Variants in RANBP3 observed in about 807,000 individuals in gnomAD.
The protein encoded by RANBP3 is RAN binding protein 3, also known as ran-binding protein 3.
Under a neutral mutation model 77.3 loss-of-function variants are expected in RANBP3, and 14 were observed. The ratio of observed to expected loss-of-function variants is 0.18; its 90% CI spans 0.12 to 0.28. RANBP3 has a LOEUF of 0.28. Ranked by LOEUF, RANBP3 falls within the 10% of genes least tolerant of loss-of-function variation. The pLI, the probability that RANBP3 is intolerant of heterozygous loss-of-function variation, is 1.00. For synonymous variants in RANBP3, 315 were observed against 312.4 expected, an observed-to-expected ratio of 1.01 and a Z score of -0.09; for missense variants, 586 against 752.3, an observed-to-expected ratio of 0.78 and a Z score of 2.59.
chr19:5,931,114 C>G (rs923831098), intron 8 of RANBP3, among the ~76,000 whole-genome samples: 3 of 152,234 alleles, frequency 2.0e-5, no homozygotes, highest in African/African-American at 7.2e-5. Context: ...CCTTGGGTAA[C>G]AGGCCCTTCC....
Position 5,951,400 on chromosome 19 carries a change from A to C in RANBP3, c.275T>G (p.Leu92Arg). Residue 92 changes from leucine (L) to arginine (R), a missense_variant, in exon 3 of 17, where the codon CTG (leucine) becomes CGG (arginine). Physicochemically the swap from Leu to Arg is moderately radical, Grantham distance 102 (BLOSUM62 -2). This residue lies in a region of RANBP3 where 172 missense variants were observed against 183.4 expected (regional missense o/e 0.94). Coordinates refer to ENST00000340578, the MANE Select transcript of RANBP3 (RefSeq NM_007322.3). ...GGGTAGGTGTGGACTTACCCCTGCC[A>C]GTTCTCGCGGAAAAGGAGGAAGCTG... ...EAQLPPFPRE[L>R]AGRSAGGSSP... 1 of 1,556,536 alleles carries C rather than the reference A, an allele frequency of 6.4e-7. No individual in the cohort carries two copies. The highest frequency in any genetic ancestry group is 1.2e-5 in the South Asian group (1 of 84,918).
intron 5 of RANBP3, among the ~76,000 whole-genome samples, chr19:5,940,219 T>A (rs2058117768): frequency 6.6e-6 from 1 of 152,168 alleles, no homozygotes; most frequent in South Asian, 2.1e-4. Context: ...TGGTGGTCCC[T>A]CGCCTCTTTA....
intron 6 of RANBP3, chr19:5,933,172 C>T (rs1183979118): frequency 2.1e-5 from 10 of 481,542 alleles, no homozygotes; most frequent in East Asian, 1.8e-4. Context: ...CGATGCACCC[C>T]GCCTAGCCTG....
intron 6 of RANBP3, 98 bp from the exon 7 acceptor site, chr19:5,932,642 C>A (rs1045507257): frequency 4.4e-6 from 4 of 916,502 alleles, no homozygotes; most frequent in Non-Finnish European, 3.4e-6. Context: ...ATGCCCCTTG[C>A]AGGCTAGACT....
chr19:5,924,006 A>G lies in RANBP3; in HGVS notation c.997-92T>C, dbSNP rs2057866091. 1.0e-6 allele frequency: 1 copy of G among 984,002 alleles called. No individual in the cohort carries two copies. The highest frequency in any genetic ancestry group is 1.6e-6 in the Non-Finnish European group (1 of 642,112). The allele number at this position is 984,002 out of a possible 1,614,324, so 61.0% of individuals were successfully genotyped here. On this transcript the variant is annotated intron_variant, in intron 11 of 16. Transcript: ENST00000340578. The surrounding 1 kb of genome is among the most constrained non-coding windows in gnomAD (Gnocchi z 4.7). ...ACCTCTCTGCCTGGCCCCCAACACT[A>G]CGCTGCCCCCAGCACTCCTGCCCAC...
intron 1 of RANBP3, among the ~76,000 whole-genome samples, chr19:5,968,220 A>T (rs2058491127): frequency 6.6e-6 from 1 of 152,178 alleles, no homozygotes; most frequent in African/African-American, 2.4e-5. Context: ...CAGGAAGGAA[A>T]TCCAAGAACT....
chr19:5,949,564 G>A (rs1483190790), intron 3 of RANBP3, among the ~76,000 whole-genome samples: 2 of 152,196 alleles, frequency 1.3e-5, no homozygotes, highest in Non-Finnish European at 2.9e-5. Context: ...GGCCACCAGA[G>A]CTACATTGGA....
intron 1 of RANBP3, among the ~76,000 whole-genome samples, chr19:5,970,349 C>T (rs2058515897): frequency 6.6e-6 from 1 of 152,140 alleles, no homozygotes; most frequent in African/African-American, 2.4e-5. Context: ...CTCTCTCCCT[C>T]CCCACTCAGA....
At chr19:5,943,186 TTTC>T (rs2145147741) in intron 3 of RANBP3, among the ~76,000 whole-genome samples, 1 of 152,236 alleles carries the variant, frequency 6.6e-6, no homozygotes, top group Admixed American at 6.5e-5. Context: ...AAAAGCCAAT[TTTC>T]TTATTTTCTA....
intron 1 of RANBP3, chr19:5,965,922 C>T (rs2145252412): frequency 6.6e-6 from 1 of 152,370 alleles, no homozygotes; most frequent in Middle Eastern, 3.4e-3. Context: ...ACACCAACAT[C>T]CTTTCACAGG....
At chr19:5,925,188 A>G (rs1403363345) in intron 10 of RANBP3, 12 of 510,700 alleles carry the variant, frequency 2.3e-5, no homozygotes, top group African/African-American at 1.3e-4. Context: ...CTTTCTTCTG[A>G]GACACCTGGA....
chr19:5,954,026 CAG>C (rs2058306187), intron 2 of RANBP3, among the ~76,000 whole-genome samples: 1 of 152,236 alleles, frequency 6.6e-6, no homozygotes, highest in African/African-American at 2.4e-5. Context: ...ACGGGACCCA[CAG>C]AAAACCGCTG....
intron 1 of RANBP3, among the ~76,000 whole-genome samples, chr19:5,977,847 G>A (rs1242412626): frequency 6.6e-6 from 1 of 152,238 alleles, no homozygotes; most frequent in East Asian, 1.9e-4. Context: ...CCAGACGGCT[G>A]CAGTGGCTGG....
At chr19:5,941,167 T>C (rs1366395349) in intron 5 of RANBP3, among the ~76,000 whole-genome samples, 2 of 152,198 alleles carry the variant, frequency 1.3e-5, no homozygotes, top group Non-Finnish European at 2.9e-5. Flanking sequence ...CGTGTGTGTG[T>C]GCATGCTTGT....
intron 8 of RANBP3, among the ~76,000 whole-genome samples, chr19:5,930,003 C>T (rs868059128): frequency 1.4e-4 from 22 of 152,228 alleles, no homozygotes; most frequent in African/African-American, 4.6e-4. Context: ...AGACGGACTC[C>T]GTCCCCTGGG....
rs1197092072 is a variant in RANBP3 at position 5,958,034 on chromosome 19, T to C, written c.23-61A>G. ...ACTATATGCATACAGTAAACAAAGC[T>C]ACACTTGTTTGTAATATGTTAAACA... On this transcript the variant is annotated intron_variant, in intron 1 of 16. Coordinates refer to ENST00000340578, the MANE Select transcript of RANBP3 (RefSeq NM_007322.3). The surrounding 1 kb of genome is among the most constrained non-coding windows in gnomAD (Gnocchi z 4.4). 1 of 1,426,700 alleles carries C rather than the reference T, an allele frequency of 7.0e-7. No individual in the cohort carries two copies. Among genetic ancestry groups the C allele is most frequent in the African/African-American group, 1.4e-5 (1 of 70,632 alleles). The allele number at this position is 1,426,700 out of a possible 1,614,324, so 88.4% of individuals were successfully genotyped here. A position where few individuals can be genotyped will look rare whatever the true frequency, so the allele number is the denominator to read the frequency against.
rs1006294692 is a variant in RANBP3, at chr19:5,935,123, A to G, written c.407-1644T>C. ...ACTAAAACGATGACAACAAAACCCA[A>G]AACACCTTGTCAGCCCAAATTTTCA... On this transcript the variant is annotated intron_variant, in intron 5 of 16. Coordinates refer to ENST00000340578, the MANE Select transcript of RANBP3 (RefSeq NM_007322.3). Among the ~76,000 whole-genome samples, 4 of 152,198 alleles carry G rather than the reference A, an allele frequency of 2.6e-5. No individual in the cohort carries two copies. The South Asian group carries it at 6.2e-4, about 24-fold the overall frequency.
At chr19:5,927,319 G>A (rs992692634) in intron 9 of RANBP3, among the ~76,000 whole-genome samples, 1 of 152,156 alleles carries the variant, frequency 6.6e-6, no homozygotes, top group African/African-American at 2.4e-5. Context: ...CCAAGAGGTG[G>A]CAGACGCTTT....
intron 1 of RANBP3, among the ~76,000 whole-genome samples, chr19:5,964,573 C>T (rs2058441456): frequency 6.6e-6 from 1 of 151,964 alleles, no homozygotes; most frequent in African/African-American, 2.4e-5. Flanking sequence ...CACAGCAGGC[C>T]CTGGGAACAT....
Sources: gnomAD v4.1 joint callset for allele counts (sites outside exome capture counted in the v4.1 genomes callset) on GRCh38, gnomAD v4.1.1 for gene constraint, gnomAD v4.1.1 regional missense constraint, Gnocchi (gnomAD v3.1) non-coding constraint, MANE v1.5 for transcripts, NCBI Gene and HGNC (gene_info 2026-07-23, HGNC 2026-07-21) for gene names.